The following ARL13A variants were observed in gnomAD, a reference collection of about 807,000 sequenced individuals.
ARL13A encodes the protein ADP-ribosylation factor-like protein 13A.
Under a neutral mutation model 19.1 loss-of-function variants are expected in ARL13A, and 16 were observed. The observed-to-expected ratio is 0.84, with a 90% CI of 0.57 to 1.27. The LOEUF is 1.27. Ranked by LOEUF, ARL13A falls within the 50% of genes most tolerant of loss-of-function variation. ARL13A has a pLI of 0.00. For synonymous variants in ARL13A, 69 were observed against 71.3 expected, an observed-to-expected ratio of 0.97 and a Z score of 0.17; for missense variants, 153 against 186.4, an observed-to-expected ratio of 0.82 and a Z score of 1.04.
At chrX:100,983,727 T>G (rs914870696) in intron 3 of ARL13A, among the ~76,000 whole-genome samples, 6 of 111,709 alleles carry the variant, frequency 5.4e-5, no homozygotes, top group African/African-American at 9.8e-5. Context: ...TGAAAATTAT[T>G]TTATCTGAAA....
At chrX:100,972,430 C>A (rs1258412491) in intron 1 of ARL13A, among the ~76,000 whole-genome samples, 1 of 97,084 alleles carries the variant, frequency 1.0e-5, no homozygotes, top group Non-Finnish European at 2.1e-5. Context: ...CCAGTAGGGG[C>A]GGCTGGGCAG....
At chrX:100,985,513 C>G (rs1392685606) in intron 3 of ARL13A, among the ~76,000 whole-genome samples, 154 bp from the exon 4 acceptor site, 1 of 111,521 alleles carries the variant, frequency 9.0e-6, no homozygotes, top group Non-Finnish European at 1.9e-5. Context: ...ACTATATTTC[C>G]CTACTTTGTG....
chrX:100,977,971 A>G (rs2085794181), intron 3 of ARL13A, among the ~76,000 whole-genome samples: 2 of 112,141 alleles, frequency 1.8e-5, no homozygotes, highest in African/African-American at 6.5e-5. Context: ...TAAACATGGG[A>G]CACCAGATAT....
At chrX:100,990,040 G>A (rs1478856239) in intron 7 of ARL13A, among the ~76,000 whole-genome samples, 3 of 112,559 alleles carry the variant, frequency 2.7e-5, no homozygotes, top group Non-Finnish European at 5.6e-5. Context: ...CAGAACTTAT[G>A]GCAAAAAAGA....
chrX:100,984,111 G>GT (rs2085901537), intron 3 of ARL13A, among the ~76,000 whole-genome samples: 1 of 104,610 alleles, frequency 9.6e-6, no homozygotes, highest in Non-Finnish European at 2.0e-5. Context: ...TTTTTTTTTT[G>GT]TTTTTTGTTT....
intron 3 of ARL13A, among the ~76,000 whole-genome samples, chrX:100,976,975 T>C (rs1285420167): frequency 8.9e-6 from 1 of 112,826 alleles, no homozygotes; most frequent in Non-Finnish European, 1.9e-5. Context: ...CTGTGAACAC[T>C]TGAAGACACT....
intron 3 of ARL13A, among the ~76,000 whole-genome samples, chrX:100,976,953 TGTAA>T (rs1238181664): frequency 5.3e-5 from 6 of 112,835 alleles, no homozygotes; most frequent in African/African-American, 1.3e-4. Flanking sequence ...AATGCCCGTC[TGTAA>T]GTAAGAACTG....
At chrX:100,978,589 G>C (rs886562203) in intron 3 of ARL13A, among the ~76,000 whole-genome samples, 3 of 110,047 alleles carry the variant, frequency 2.7e-5, no homozygotes, top group African/African-American at 9.9e-5. Flanking sequence ...TGTCTTTATA[G>C]ATGAAGTGTG....
chrX:100,982,397 T>A (rs955307048), intron 3 of ARL13A, among the ~76,000 whole-genome samples: 3 of 109,891 alleles, frequency 2.7e-5, no homozygotes, highest in African/African-American at 1.0e-4. Context: ...CAGGCTGAGG[T>A]AGGAGAATTG....
At chrX:100,980,195 C>T (rs1048199866) in intron 3 of ARL13A, among the ~76,000 whole-genome samples, 1 of 111,745 alleles carries the variant, frequency 8.9e-6, no homozygotes, top group Non-Finnish European at 1.9e-5. Context: ...GCAGCAGGTT[C>T]CTTTCTGGTC....
At chrX:100,972,203 G>A (rs1323694233) in intron 1 of ARL13A, among the ~76,000 whole-genome samples, 1 of 93,165 alleles carries the variant, frequency 1.1e-5, no homozygotes, top group Non-Finnish European at 2.2e-5. Flanking sequence ...ATTCCACAAA[G>A]CCGCCATTGT....
At chrX:100,975,292 A>G (rs2085742779) in intron 3 of ARL13A, among the ~76,000 whole-genome samples, 1 of 111,140 alleles carries the variant, frequency 9.0e-6, no homozygotes, top group African/African-American at 3.3e-5. Flanking sequence ...ACTACCTAGC[A>G]TTTTATCTCC....
chrX:100,978,537 A>AT (rs1372813410), intron 3 of ARL13A, among the ~76,000 whole-genome samples: 11 of 110,486 alleles, frequency 1.0e-4, no homozygotes, highest in African/African-American at 3.6e-4. Context: ...TTGGGTTTCC[A>AT]TTTGTATAGA....
intron 3 of ARL13A, among the ~76,000 whole-genome samples, chrX:100,975,125 T>C (rs984337032): frequency 9.8e-5 from 11 of 112,042 alleles, no homozygotes; most frequent in East Asian, 5.6e-4. Context: ...ATCTTCAAGA[T>C]AAAACTTAAG....
chrX:100,986,649 T>C, intron 4 of ARL13A, 147 bp from the exon 5 acceptor site: 1 of 411,085 alleles, frequency 2.4e-6, no homozygotes, highest in East Asian at 4.1e-5. Flanking sequence ...CTCATCTCAT[T>C]AGGTATGTCT....
rs1016351804 is a variant in ARL13A at position 100,969,729 on chromosome X, A to C, written c.-95A>C. On this transcript the variant is annotated 5_prime_UTR_variant, in exon 1 of 8. Transcript: ENST00000450049. ...ATCTGACAAGAAGGCTAGAAAGCTC[A>C]ATGCGTCTTCCTATTACTCTGCATA... is the stretch of plus-strand genomic sequence containing the variant. 2.7e-5 allele frequency: 3 copies of C among 112,232 alleles called. No homozygotes were observed. The highest frequency in any genetic ancestry group is 5.6e-5 in the Non-Finnish European group (3 of 53,258). The allele number at this position is 112,232 out of a possible 1,213,427, so 9.2% of individuals were successfully genotyped here.
At chrX:100,973,504 G>A (rs1319698127) in intron 1 of ARL13A, among the ~76,000 whole-genome samples, 172 bp from the exon 2 acceptor site, 6 of 111,240 alleles carry the variant, frequency 5.4e-5, no homozygotes, top group Non-Finnish European at 9.5e-5. Flanking sequence ...GTCGGGCGGC[G>A]GCGGCTGCCT....
intron 7 of ARL13A, among the ~76,000 whole-genome samples, chrX:100,989,189 A>C (rs2085984792): frequency 9.0e-6 from 1 of 111,567 alleles, no homozygotes; most frequent in Non-Finnish European, 1.9e-5. Context: ...AAGTTAGAAT[A>C]CAGCACGTAT....
At chrX:100,987,920 T>A (rs1484988777) in intron 6 of ARL13A, among the ~76,000 whole-genome samples, 6 of 112,025 alleles carry the variant, frequency 5.4e-5, no homozygotes, top group Non-Finnish European at 9.4e-5. Context: ...ATAAATGCCA[T>A]GAACCTACTC....
Sources: allele counts gnomAD v4.1 joint callset (sites outside exome capture counted in the v4.1 genomes callset), GRCh38; gene constraint gnomAD v4.1.1; transcripts MANE v1.5; gene names NCBI Gene and HGNC (gene_info 2026-07-23, HGNC 2026-07-21).